DIP2C: variants seen among roughly 807,000 people sequenced by gnomAD.
DIP2C encodes disco-interacting protein 2 homolog C.
In DIP2C, 33 loss-of-function variants were observed where a neutral mutation model predicts 192.4. The ratio of observed to expected loss-of-function variants is 0.17; its 90% CI spans 0.13 to 0.23. The LOEUF is 0.23. Among genes scored for constraint, DIP2C ranks in the 10% least tolerant of loss-of-function variants. The pLI is 1.00. For missense variants in DIP2C, 1,537 were observed against 2,110.1 expected (o/e 0.73, Z 5.32); for synonymous variants, 979 against 864.1 (o/e 1.13, Z -2.33).
intron 1 of DIP2C, among the ~76,000 whole-genome samples, chr10:649,354 G>T (rs1052213088): frequency 6.6e-6 from 1 of 152,170 alleles, no homozygotes; most frequent in Non-Finnish European, 1.5e-5. Context: ...CAGGGAAACT[G>T]AGTCCACGTC....
chr10:357,451 G>A (rs746078068), intron 23 of DIP2C, among the ~76,000 whole-genome samples: 1 of 152,240 alleles, frequency 6.6e-6, no homozygotes, highest in African/African-American at 2.4e-5. Flanking sequence ...CGCGGGACAA[G>A]GACTGCCAGA....
chr10:443,275 C>T (rs1158994313), intron 3 of DIP2C, among the ~76,000 whole-genome samples: 8 of 152,202 alleles, frequency 5.3e-5, no homozygotes, highest in African/African-American at 1.4e-4. Flanking sequence ...ATTAGATCTT[C>T]TACATTCACT....
chr10:591,118 GTTTT>G (rs879406394), intron 1 of DIP2C, among the ~76,000 whole-genome samples: 4 of 150,358 alleles, frequency 2.7e-5, no homozygotes, highest in Non-Finnish European at 2.9e-5. Context: ...TCCATTACTG[GTTTT>G]TTTTGTTTTG....
At chr10:543,154 C>T (rs745662094) in intron 1 of DIP2C, among the ~76,000 whole-genome samples, 18 of 152,240 alleles carry the variant, frequency 1.2e-4, no homozygotes, top group Non-Finnish European at 2.5e-4. Flanking sequence ...ATGGACATCA[C>T]CAGTCTTCGC....
chr10:281,291 G>A lies in DIP2C; in HGVS notation c.4327C>T (p.Leu1443=). The change falls in exon 36 of 37, where the codon CTG becomes TTG. Residue 1443 remains leucine, a synonymous_variant. Transcript: ENST00000280886. ...RHDALYVVGA[L]DEAMELRGMR... is the part of the protein sequence containing the mutation. ...CCCCGCAGCTCCATGGCTTCGTCCA[G>A]TGCCCCTACCACGTAGAGGGCATCA... 6.2e-7 allele frequency: 1 copy of A among 1,614,144 alleles called. No homozygotes were observed. Among genetic ancestry groups the A allele is most frequent in the Non-Finnish European group, 8.5e-7 (1 of 1,180,000 alleles).
At chr10:381,909 T>G (rs1962407999) in intron 17 of DIP2C, among the ~76,000 whole-genome samples, 1 of 152,182 alleles carries the variant, frequency 6.6e-6, no homozygotes, top group Non-Finnish European at 1.5e-5. Flanking sequence ...TGGACCAGCC[T>G]TGGATGGGCC....
At chr10:688,738 A>G (rs1831423893) in intron 1 of DIP2C, among the ~76,000 whole-genome samples, 1 of 152,236 alleles carries the variant, frequency 6.6e-6, no homozygotes, top group Non-Finnish European at 1.5e-5. Context: ...TGAAGAGCAA[A>G]TAAGAGGCGT....
intron 1 of DIP2C, among the ~76,000 whole-genome samples, chr10:593,460 T>C (rs1588546312): frequency 1.3e-5 from 2 of 149,222 alleles, no homozygotes; most frequent in African/African-American, 4.9e-5. Context: ...GGTCTGTGCA[T>C]GCCGCCCTGC....
chr10:403,652 G>A (rs1474549230), intron 9 of DIP2C, among the ~76,000 whole-genome samples: 1 of 134,874 alleles, frequency 7.4e-6, no homozygotes, highest in African/African-American at 2.7e-5. Context: ...GGACAAGTTT[G>A]GTATGTGTTC....
chr10:390,831 A>C lies in DIP2C; in HGVS notation c.1293T>G (p.Leu431=), dbSNP rs750425455. 1.9e-6 allele frequency: 3 copies of C among 1,613,962 alleles called. No homozygotes were observed. The Admixed American group carries it at 5.0e-5, about 27-fold the overall frequency. Residue 431 remains leucine (L), a synonymous_variant, in exon 11 of 37, where the codon CTT becomes CTG. Coordinates refer to ENST00000280886, the MANE Select transcript of DIP2C (RefSeq NM_014974.3). ...DAGSQQIGFL[L]GSCGVTVALT... ...AGGCTACAGTAACTCCACAGCTTCC[A>C]AGCAAGAAACCTATCTGCTGGCTCC...
At chr10:540,837 C>G in intron 1 of DIP2C, among the ~76,000 whole-genome samples, 1 of 152,220 alleles carries the variant, frequency 6.6e-6, no homozygotes, top group African/African-American at 2.4e-5. Flanking sequence ...CCTGTCATCT[C>G]TGAAACACAG....
intron 9 of DIP2C, among the ~76,000 whole-genome samples, chr10:403,781 G>C (rs1157281072): frequency 6.7e-6 from 1 of 149,994 alleles, no homozygotes; most frequent in African/African-American, 2.5e-5. Context: ...ATGTGTGGTA[G>C]TATTAGCATT....
At chr10:546,494 G>C (rs1003228776) in intron 1 of DIP2C, among the ~76,000 whole-genome samples, 1 of 152,180 alleles carries the variant, frequency 6.6e-6, no homozygotes, top group Non-Finnish European at 1.5e-5. Context: ...AACTCTGGTT[G>C]AAGTTTATGA....
At chr10:366,148 T>G in intron 19 of DIP2C, 127 bp downstream of exon 19, 1 of 1,356,762 alleles carries the variant, frequency 7.4e-7, no homozygotes, top group Non-Finnish European at 1.0e-6. Flanking sequence ...TGCCATCGTT[T>G]TCATTCATAT....
chr10:499,168 A>G (rs1452602923), intron 1 of DIP2C, among the ~76,000 whole-genome samples: 4 of 152,124 alleles, frequency 2.6e-5, no homozygotes, highest in African/African-American at 9.7e-5. Context: ...ACCACACGCG[A>G]TGCTGACTGA....
chr10:462,184 C>T (rs1394296888), intron 3 of DIP2C, among the ~76,000 whole-genome samples: 1 of 151,842 alleles, frequency 6.6e-6, no homozygotes, highest in Non-Finnish European at 1.5e-5. Context: ...AAGATCAGAG[C>T]AGAAATGAAG....
chr10:501,264 T>C (rs1845202817), intron 1 of DIP2C, among the ~76,000 whole-genome samples: 1 of 152,222 alleles, frequency 6.6e-6, no homozygotes, highest in Admixed American at 6.5e-5. Flanking sequence ...CTTTAGTTTG[T>C]GGAAACATCC....
chr10:416,689 G>A (rs1237432191), intron 6 of DIP2C, among the ~76,000 whole-genome samples: 1 of 152,150 alleles, frequency 6.6e-6, no homozygotes, highest in Non-Finnish European at 1.5e-5. Context: ...AAGAGTCAAG[G>A]TTTTCAAATT....
chr10:474,229 T>A (rs1970876998), intron 2 of DIP2C, among the ~76,000 whole-genome samples: 2 of 152,222 alleles, frequency 1.3e-5, no homozygotes, highest in Admixed American at 1.3e-4. Flanking sequence ...CTTCCTGAAT[T>A]GTCCTTTTTA....
Sources: allele counts gnomAD v4.1 joint callset (sites outside exome capture counted in the v4.1 genomes callset), GRCh38; gene constraint gnomAD v4.1.1; transcripts MANE v1.5; gene names NCBI Gene and HGNC (gene_info 2026-07-23, HGNC 2026-07-21).